Variants in ARHGAP8 observed in about 807,000 individuals in gnomAD.
The protein encoded by ARHGAP8 is Rho GTPase activating protein 8.
Under a neutral mutation model 46.1 loss-of-function variants are expected in ARHGAP8, and 62 were observed. The observed-to-expected ratio is 1.34, with a 90% CI of 1.10 to 1.66. ARHGAP8 has a LOEUF of 1.66. ARHGAP8 is among the 40% of genes most tolerant of loss of function. The probability of loss-of-function intolerance (pLI) is 0.00; values close to 1 mark genes in which losing one functional copy is unlikely to be tolerated. For synonymous variants in ARHGAP8, 375 were observed against 243.1 expected (o/e 1.54, Z -5.05); for missense variants, 923 against 568.4 (o/e 1.62, Z -6.34).
At chr22:44,794,078 C>A (rs755105561) in intron 2 of ARHGAP8, among the ~76,000 whole-genome samples, 1 of 152,196 alleles carries the variant, frequency 6.6e-6, no homozygotes, top group African/African-American at 2.4e-5. Flanking sequence ...CAGCTGCTCG[C>A]GTCAACCCAC....
chr22:44,756,773 G>A (rs892453451), intron 1 of ARHGAP8, among the ~76,000 whole-genome samples: 1 of 151,616 alleles, frequency 6.6e-6, no homozygotes, highest in African/African-American at 2.4e-5. Flanking sequence ...GGCATAATTG[G>A]CAAACAAAAA....
chr22:44,828,884 T>C (rs945575301), intron 7 of ARHGAP8, among the ~76,000 whole-genome samples: 6 of 151,850 alleles, frequency 4.0e-5, no homozygotes, highest in Non-Finnish European at 7.4e-5. Flanking sequence ...CAGGGGTGGG[T>C]CTTTAGCTGG....
intron 4 of ARHGAP8, among the ~76,000 whole-genome samples, chr22:44,812,069 C>T (rs527621138): frequency 6.6e-6 from 1 of 152,134 alleles, no homozygotes; most frequent in East Asian, 1.9e-4. Context: ...AGGTTTCCTG[C>T]ATTCTTTTCT....
At chr22:44,845,465 A>T (rs1382440741) in intron 8 of ARHGAP8, 123 bp downstream of exon 8, 2 of 1,326,348 alleles carry the variant, frequency 1.5e-6, no homozygotes, top group African/African-American at 2.9e-5. Flanking sequence ...GAGGGGCTCA[A>T]GCACAGTGGC....
intron 1 of ARHGAP8, among the ~76,000 whole-genome samples, chr22:44,767,984 CTTTTTTTTTTTTTTTTTTT>C (rs1167255172): frequency 6.4e-5 from 3 of 47,228 alleles, no homozygotes; most frequent in Middle Eastern, 0.036. Flanking sequence ...CGCATGATGT[CTTTTTTTTTTTTTTTTTTT>C]TTTTTTTTTT....
At chr22:44,804,465 C>T (rs982517470) in intron 3 of ARHGAP8, among the ~76,000 whole-genome samples, 4 of 152,150 alleles carry the variant, frequency 2.6e-5, no homozygotes, top group Admixed American at 6.5e-5. Context: ...ATTTGCTCCC[C>T]GACAATGAAC....
Position 44,830,330 on chromosome 22 carries a change from G to GT in ARHGAP8, c.596+4743dup, listed in dbSNP as rs1261700964. Among the ~76,000 whole-genome samples, 21 of 150,182 alleles carry GT rather than the reference G, an allele frequency of 1.4e-4. 2 individuals carry two copies. On this transcript the variant is annotated intron_variant, in intron 7 of 11. Coordinates refer to ENST00000356099, the MANE Select transcript of ARHGAP8 (RefSeq NM_181335.3). ...TGAGCCACTGCACCCGGCTGTTACT[G>GT]TTTTTTATTTTTATTTTTTTAGACA...
chr22:44,850,690 G>C (rs1317107145), intron 10 of ARHGAP8: 1 of 152,188 alleles, frequency 6.6e-6, no homozygotes, highest in Non-Finnish European at 1.5e-5. Flanking sequence ...TGTGGGCCAG[G>C]CATGGTGGCT....
Position 44,859,615 on chromosome 22 carries a change from T to G in ARHGAP8, c.878-116T>G, listed in dbSNP as rs919791555. 6 of 1,120,408 alleles carry G rather than the reference T, an allele frequency of 5.4e-6. No homozygotes were observed. The African/African-American group carries it at 7.8e-5, about 15-fold the overall frequency. The allele number at this position is 1,120,408 out of a possible 1,614,324, so 69.4% of individuals were successfully genotyped here. On this transcript the variant is annotated intron_variant, in intron 10 of 11. Transcript: ENST00000356099. ...TAAGTGGGGGTCCCAAGCCCAAATG[T>G]GGGATAGTCCATCCTCAGAGCTGTC...
intron 7 of ARHGAP8, among the ~76,000 whole-genome samples, 171 bp from the exon 8 acceptor site, chr22:44,845,098 A>G (rs2069920685): frequency 6.6e-6 from 1 of 152,054 alleles, no homozygotes; most frequent in African/African-American, 2.4e-5. Flanking sequence ...TCATTTTATT[A>G]TTTGGTCTTC....
Position 44,791,296 on chromosome 22 carries a change from GAC to G in ARHGAP8, c.79+4693_79+4694del, listed in dbSNP as rs764946589. ...GGGAGTATATGAAGTTGTCAGAGTCGACACTTGAGCCAGGGCCTCGATGCTGC... is the reference window on the plus strand; with the variant it reads ...GGGAGTATATGAAGTTGTCAGAGTCGACTTGAGCCAGGGCCTCGATGCTGC... On this transcript the variant is annotated intron_variant, in intron 2 of 11. Transcript: ENST00000356099. Among the ~76,000 whole-genome samples, 3 of 152,160 alleles carry G rather than the reference GAC, an allele frequency of 2.0e-5. No individual in the cohort carries two copies. In the South Asian group the frequency reaches 6.2e-4, roughly 32 times the overall value.
chr22:44,847,357 A>G (rs2069983038), intron 8 of ARHGAP8, among the ~76,000 whole-genome samples: 1 of 152,240 alleles, frequency 6.6e-6, no homozygotes, highest in Non-Finnish European at 1.5e-5. Context: ...AGAATTGCCC[A>G]ACTGAACTTG....
intron 9 of ARHGAP8, 146 bp downstream of exon 9, chr22:44,848,196 A>AGGCATC (rs2070007283): frequency 9.5e-6 from 11 of 1,152,906 alleles, no homozygotes; most frequent in Non-Finnish European, 1.3e-5. Context: ...GCTTCCCAGG[A>AGGCATC]GGCATCGAGG....
chr22:44,848,138 C>T (rs1430491416), intron 9 of ARHGAP8, 88 bp downstream of exon 9: 117 of 1,533,272 alleles, frequency 7.6e-5, no homozygotes, highest in Middle Eastern at 3.5e-4. Context: ...AGGGAAGCAC[C>T]GCCCCCGCAA....
chr22:44,786,495 G>A lies in ARHGAP8; in HGVS notation c.-33G>A, dbSNP rs767507744. 2 of 1,612,270 alleles carry A rather than the reference G, an allele frequency of 1.2e-6. No individual in the cohort carries two copies. ...CAAGGCGGCGGCGGCTGCTGTGCTG[G>A]GTGCAGTGAGGAAGAGGCCCTCGGT... is the stretch of plus-strand genomic sequence containing the variant. On this transcript the variant is annotated 5_prime_UTR_variant, in exon 2 of 12. Transcript: ENST00000356099.
chr22:44,854,751 A>T (rs764022462), intron 10 of ARHGAP8, among the ~76,000 whole-genome samples: 48 of 151,230 alleles, frequency 3.2e-4, no homozygotes, highest in Non-Finnish European at 6.0e-4. Context: ...CAATTCTCCC[A>T]CCTCAGCCTC....
rs777555536 is a variant in ARHGAP8, at chr22:44,786,448, T to C, written c.-71-9T>C. The C allele has an allele frequency of 1.9e-6, 3 of 1,580,440 alleles. No homozygotes were observed. The East Asian group carries it at 7.0e-5, about 37-fold the overall frequency. ...ATGCACTGACTTCCTTTAATCTTCTTTGCCGCAGAGCTGCAGAGAGACAAG... is the reference window on the plus strand; with the variant it reads ...ATGCACTGACTTCCTTTAATCTTCTCTGCCGCAGAGCTGCAGAGAGACAAG... On this transcript the variant is annotated splice_polypyrimidine_tract_variant and intron_variant, in intron 1 of 11. Coordinates refer to ENST00000356099, the MANE Select transcript of ARHGAP8 (RefSeq NM_181335.3).
At chr22:44,757,921 C>T (rs1924815562) in intron 1 of ARHGAP8, among the ~76,000 whole-genome samples, 1 of 151,442 alleles carries the variant, frequency 6.6e-6, no homozygotes. Flanking sequence ...TCCCAAATTG[C>T]AGGGATTACA....
intron 10 of ARHGAP8, 81 bp from the exon 11 acceptor site, chr22:44,859,650 C>A (rs545273939): frequency 2.0e-6 from 3 of 1,483,310 alleles, no homozygotes; most frequent in African/African-American, 1.4e-5. Context: ...CCTTCCTACA[C>A]CCCTGTTCTC....
Sources: gnomAD v4.1 joint callset for allele counts (sites outside exome capture counted in the v4.1 genomes callset) on GRCh38, gnomAD v4.1.1 for gene constraint, MANE v1.5 for transcripts, NCBI Gene and HGNC (gene_info 2026-07-23, HGNC 2026-07-21) for gene names.